The following VPS13A variants were observed in gnomAD, a reference collection of about 807,000 sequenced individuals.
VPS13A encodes the protein vacuolar protein sorting 13 homolog A.
In VPS13A, 264 loss-of-function variants were observed where a neutral mutation model predicts 390.9. The ratio of observed to expected loss-of-function variants is 0.68; its 90% CI spans 0.61 to 0.75. The LOEUF (loss-of-function observed/expected upper bound fraction) is 0.75, where lower values mean the gene tolerates loss of function less well. VPS13A is among the 30% of genes least tolerant of loss of function. VPS13A has a pLI of 0.00. For missense variants in VPS13A, 3,409 were observed against 3,733.9 expected (o/e 0.91, Z 2.27); for synonymous variants, 1,231 against 1,227.1 (o/e 1.00, Z -0.07).
chr9:77,386,311 G>A (rs561581809), intron 68 of VPS13A, among the ~76,000 whole-genome samples: 1 of 152,284 alleles, frequency 6.6e-6, no homozygotes, highest in East Asian at 1.9e-4. Context: ...GAAGAGTCTG[G>A]AAGTTTCTTC....
intron 1 of VPS13A, among the ~76,000 whole-genome samples, chr9:77,199,259 T>G (rs1825186404): frequency 6.6e-6 from 1 of 152,166 alleles, no homozygotes; most frequent in Admixed American, 6.5e-5. Flanking sequence ...GCTGGACTTC[T>G]AGGCTTGTGT....
intron 45 of VPS13A, among the ~76,000 whole-genome samples, chr9:77,325,269 C>T (rs1829950432): frequency 6.6e-6 from 1 of 152,108 alleles, no homozygotes; most frequent in South Asian, 2.1e-4. Flanking sequence ...AAGCCTGCTG[C>T]TTGCTTCCTG....
intron 59 of VPS13A, among the ~76,000 whole-genome samples, chr9:77,364,741 T>A (rs749984380): frequency 3.9e-5 from 6 of 152,200 alleles, no homozygotes; most frequent in Non-Finnish European, 7.3e-5. Flanking sequence ...AGATGTTTCT[T>A]CATTTGCTTA....
At chr9:77,319,727 CT>C in intron 42 of VPS13A, 54 bp downstream of exon 42, 1 of 1,025,898 alleles carries the variant, frequency 9.7e-7, no homozygotes, top group Non-Finnish European at 1.4e-6. Context: ...TTTTAAAAGA[CT>C]TTATTTTTTT....
At chr9:77,415,584 A>G (rs1241773874) in intron 71 of VPS13A, among the ~76,000 whole-genome samples, 1 of 152,178 alleles carries the variant, frequency 6.6e-6, no homozygotes, top group East Asian at 1.9e-4. Flanking sequence ...CCTCTCTGGA[A>G]TTGTGTGTAA....
intron 69 of VPS13A, 146 bp from the exon 70 acceptor site, chr9:77,405,718 G>A (rs181432725): frequency 2.8e-6 from 3 of 1,084,918 alleles, no homozygotes; most frequent in Non-Finnish European, 4.0e-6. Flanking sequence ...TATGGTTCCA[G>A]TTCTTTTAAA....
intron 51 of VPS13A, 31 bp from the exon 52 acceptor site, chr9:77,344,978 C>T (rs1831068064): frequency 1.2e-6 from 2 of 1,604,000 alleles, no homozygotes; most frequent in East Asian, 2.2e-5. Flanking sequence ...AAAATGATTA[C>T]ATTAAAATGT....
chr9:77,395,832 T>G (rs1834098093), intron 68 of VPS13A: 1 of 152,188 alleles, frequency 6.6e-6, no homozygotes, highest in African/African-American at 2.4e-5. Flanking sequence ...AGAATAGATT[T>G]TAAGAATTTA....
intron 1 of VPS13A, 130 bp downstream of exon 1, chr9:77,177,934 C>A: frequency 1.3e-6 from 1 of 746,300 alleles, no homozygotes; most frequent in Non-Finnish European, 2.2e-6. Flanking sequence ...CCGCCGCCCG[C>A]CTGTGGGTCA....
intron 3 of VPS13A, among the ~76,000 whole-genome samples, chr9:77,203,386 T>G (rs773280506): frequency 6.6e-6 from 1 of 152,148 alleles, no homozygotes; most frequent in Admixed American, 6.5e-5. Context: ...CCTTCCTGGC[T>G]CAAGTAACCC....
At chr9:77,246,333 T>C (rs1382470594) in intron 19 of VPS13A, among the ~76,000 whole-genome samples, 2 of 152,338 alleles carry the variant, frequency 1.3e-5, no homozygotes, top group African/African-American at 4.8e-5. Context: ...AGCTTTATAA[T>C]TGTATATGTA....
At chr9:77,310,908 A>G (rs1829035232) in intron 35 of VPS13A, among the ~76,000 whole-genome samples, 1 of 151,666 alleles carries the variant, frequency 6.6e-6, no homozygotes, top group East Asian at 1.9e-4. Flanking sequence ...ACCCACATGT[A>G]CTCATCACCC....
intron 32 of VPS13A, among the ~76,000 whole-genome samples, chr9:77,295,079 TA>T (rs1827900532): frequency 6.6e-6 from 1 of 152,048 alleles, no homozygotes; most frequent in Non-Finnish European, 1.5e-5. Flanking sequence ...AAATTAGGTA[TA>T]AGAGTATAAA....
At chr9:77,204,887 C>T (rs993154039) in intron 3 of VPS13A, among the ~76,000 whole-genome samples, 1 of 152,058 alleles carries the variant, frequency 6.6e-6, no homozygotes, top group African/African-American at 2.4e-5. Flanking sequence ...CCTTAGCTTC[C>T]CAAAGTGCTA....
intron 25 of VPS13A, among the ~76,000 whole-genome samples, 191 bp from the exon 26 acceptor site, chr9:77,275,874 C>T (rs576127580): frequency 1.4e-5 from 2 of 148,090 alleles, no homozygotes; most frequent in East Asian, 4.2e-4. Context: ...TTATTCAGTA[C>T]ATGTTTTTGT....
At chr9:77,375,496 T>G (rs1833014109) in intron 67 of VPS13A, among the ~76,000 whole-genome samples, 1 of 152,128 alleles carries the variant, frequency 6.6e-6, no homozygotes, top group African/African-American at 2.4e-5. Context: ...AAACAGACAT[T>G]AAGGCAATAA....
At chr9:77,330,792 A>T (rs921390976) in intron 45 of VPS13A, among the ~76,000 whole-genome samples, 3 of 152,164 alleles carry the variant, frequency 2.0e-5, no homozygotes, top group Admixed American at 6.5e-5. Context: ...TAAAAAAAAA[A>T]ATACATGAAG....
intron 19 of VPS13A, among the ~76,000 whole-genome samples, chr9:77,241,172 A>G (rs1033026139): frequency 6.6e-6 from 1 of 152,044 alleles, no homozygotes; most frequent in South Asian, 2.1e-4. Flanking sequence ...TTCTTACTCC[A>G]TCTTCCATTC....
In VPS13A at chr9:77,317,617, C is replaced by G; in HGVS notation, c.4875C>G (p.Pro1625=). The change falls in exon 40 of 72, where the codon CCC becomes CCG. Residue 1625 remains proline (P), a synonymous_variant. Coordinates refer to ENST00000360280, the MANE Select transcript of VPS13A (RefSeq NM_033305.3). ...RKGKITTVLQ[P]CDLFYQTTQK... ...TTTTTCTCTCATAGGTTTTGCAGCC[C>G]TGTGACTTGTTTTATCAAACTACTC... 6.2e-7 allele frequency: 1 copy of G among 1,600,052 alleles called. No individual in the cohort carries two copies. Among genetic ancestry groups the G allele is most frequent in the East Asian group, 2.3e-5 (1 of 44,244 alleles).
Sources: gnomAD v4.1 joint callset for allele counts (sites outside exome capture counted in the v4.1 genomes callset) on GRCh38, gnomAD v4.1.1 for gene constraint, MANE v1.5 for transcripts, NCBI Gene and HGNC (gene_info 2026-07-23, HGNC 2026-07-21) for gene names.